Variants in SBF2 observed in about 807,000 individuals in gnomAD.
SBF2 encodes myotubularin-related protein 13.
In SBF2, 112 loss-of-function variants were observed where a neutral mutation model predicts 225.2. That is an observed-to-expected ratio of 0.50 (90% CI 0.43 to 0.58). The LOEUF is 0.58. SBF2 is among the 20% of genes least tolerant of loss of function. SBF2 has a pLI of 0.00. For synonymous variants in SBF2, 763 were observed against 773.3 expected (o/e 0.99, Z 0.22); for missense variants, 1,996 against 2,206.2 (o/e 0.90, Z 1.91).
chr11:10,196,866 A>ATATATATATTTTTTTTTTT, intron 1 of SBF2, among the ~76,000 whole-genome samples: 33 of 99,298 alleles, frequency 3.3e-4, no homozygotes, highest in African/African-American at 7.3e-4. Flanking sequence ...ATATATATAT[A>ATATATATATTTTTTTTTTT]TTTTTTTTTT....
chr11:9,859,118 T>C (rs948008343), intron 17 of SBF2, among the ~76,000 whole-genome samples: 3 of 152,166 alleles, frequency 2.0e-5, no homozygotes, highest in Non-Finnish European at 2.9e-5. Flanking sequence ...GGAAGGAAAA[T>C]GAACTCTGCA....
At chr11:10,130,025 G>T (rs748541649) in intron 2 of SBF2, among the ~76,000 whole-genome samples, 6 of 151,036 alleles carry the variant, frequency 4.0e-5, no homozygotes, top group Admixed American at 1.3e-4. Flanking sequence ...TATTAAAAAA[G>T]AAAAAACCAA....
chr11:10,088,627 C>G (rs755124916), intron 2 of SBF2, among the ~76,000 whole-genome samples: 7 of 152,180 alleles, frequency 4.6e-5, no homozygotes, highest in Non-Finnish European at 1.5e-5. Context: ...GGGGAGGTGT[C>G]TGGCTCTTTA....
chr11:9,929,971 A>C (rs1845229073), intron 16 of SBF2, among the ~76,000 whole-genome samples: 1 of 152,010 alleles, frequency 6.6e-6, no homozygotes, highest in Non-Finnish European at 1.5e-5. Flanking sequence ...TAGGGGAACA[A>C]TACTTACTGG....
intron 32 of SBF2, among the ~76,000 whole-genome samples, chr11:9,805,841 T>G (rs567424488): frequency 6.6e-5 from 10 of 152,176 alleles, no homozygotes; most frequent in African/African-American, 1.2e-4. Flanking sequence ...CCAGGATGGT[T>G]TTGATCTCTT....
At chr11:10,090,705 C>T (rs1279662644) in intron 2 of SBF2, among the ~76,000 whole-genome samples, 7 of 137,720 alleles carry the variant, frequency 5.1e-5, no homozygotes, top group African/African-American at 1.6e-4. Flanking sequence ...GCGGAGGCTG[C>T]AGTGAGCCGA....
chr11:10,223,067 A>G (rs930801945), intron 1 of SBF2, among the ~76,000 whole-genome samples: 22 of 152,046 alleles, frequency 1.4e-4, no homozygotes, highest in African/African-American at 5.1e-4. Context: ...CATTTTATAA[A>G]ACCAAGAATA....
chr11:10,113,785 C>A (rs1474548808), intron 2 of SBF2, among the ~76,000 whole-genome samples: 1 of 146,394 alleles, frequency 6.8e-6, no homozygotes, highest in East Asian at 2.1e-4. Context: ...TGGTGTTTCT[C>A]TTACATGCAG....
At chr11:9,966,307 C>T (rs935472735) in intron 14 of SBF2, among the ~76,000 whole-genome samples, 2 of 152,186 alleles carry the variant, frequency 1.3e-5, no homozygotes, top group African/African-American at 4.8e-5. Context: ...CCAGGCTGGT[C>T]TTGAACTCCT....
intron 1 of SBF2, among the ~76,000 whole-genome samples, chr11:10,248,012 G>C (rs1192963598): frequency 7.9e-5 from 12 of 152,168 alleles, no homozygotes; most frequent in Admixed American, 7.9e-4. Flanking sequence ...TCTAAATTAT[G>C]CAGGTCAGAT....
At chr11:10,175,794 G>A (rs936433716) in intron 2 of SBF2, among the ~76,000 whole-genome samples, 6 of 151,788 alleles carry the variant, frequency 4.0e-5, no homozygotes, top group Non-Finnish European at 8.8e-5. Context: ...TAAAAGAACA[G>A]AAATTATAAC....
chr11:10,006,056 C>G (rs1196636321), intron 6 of SBF2, among the ~76,000 whole-genome samples: 1 of 152,156 alleles, frequency 6.6e-6, no homozygotes, highest in African/African-American at 2.4e-5. Context: ...TCTGGGGTTT[C>G]CTCTGCTTTT....
intron 2 of SBF2, among the ~76,000 whole-genome samples, chr11:10,072,069 A>G (rs1264857929): frequency 2.0e-5 from 3 of 152,198 alleles, no homozygotes. Flanking sequence ...ATGCATTTAC[A>G]TACACATGTA....
intron 32 of SBF2, among the ~76,000 whole-genome samples, chr11:9,805,956 G>A (rs1033132288): frequency 2.0e-5 from 3 of 152,210 alleles, no homozygotes; most frequent in African/African-American, 7.2e-5. Flanking sequence ...AGGGTGGTAA[G>A]AGCATGAACA....
intron 2 of SBF2, among the ~76,000 whole-genome samples, chr11:10,060,469 A>C (rs146351707): frequency 2.4e-3 from 370 of 152,302 alleles, no homozygotes; most frequent in African/African-American, 7.9e-3. Flanking sequence ...AGAGCTAGTA[A>C]TATTCCTATA....
intron 22 of SBF2, among the ~76,000 whole-genome samples, chr11:9,848,109 C>T (rs936639536): frequency 6.6e-6 from 1 of 152,070 alleles, no homozygotes; most frequent in Admixed American, 6.6e-5. Context: ...GTGGGGAGAT[C>T]TGAACTAGGT....
chr11:10,240,259 C>CAAAAAAAAAAAA (rs555675542), intron 1 of SBF2, among the ~76,000 whole-genome samples: 1 of 93,094 alleles, frequency 1.1e-5, no homozygotes, highest in Admixed American at 1.2e-4. Flanking sequence ...ATTAAAAGAA[C>CAAAAAAAAAAAA]AAAAAAAAAA....
intron 1 of SBF2, among the ~76,000 whole-genome samples, chr11:10,289,314 C>T (rs1027629745): frequency 6.6e-6 from 1 of 152,160 alleles, no homozygotes; most frequent in Non-Finnish European, 1.5e-5. Context: ...GGGCCTCCTG[C>T]TCGTGGCCCC....
chr11:10,206,829 C>T (rs1957767417), intron 1 of SBF2, among the ~76,000 whole-genome samples: 1 of 150,946 alleles, frequency 6.6e-6, no homozygotes, highest in Admixed American at 6.6e-5. Flanking sequence ...ATATAAAGAA[C>T]ATTGGGAACC....
Sources: gnomAD v4.1 joint callset for allele counts (sites outside exome capture counted in the v4.1 genomes callset) on GRCh38, gnomAD v4.1.1 for gene constraint, MANE v1.5 for transcripts, NCBI Gene and HGNC (gene_info 2026-07-23, HGNC 2026-07-21) for gene names.